The following TNFRSF21 variants were observed in gnomAD, a reference collection of about 807,000 sequenced individuals.
The protein encoded by TNFRSF21 is tumor necrosis factor receptor superfamily member 21.
TNFRSF21 carries 19 observed loss-of-function variants against 45.6 expected under a neutral mutation model. The ratio of observed to expected loss-of-function variants is 0.42; its 90% confidence interval spans 0.29 to 0.61. TNFRSF21 has a LOEUF of 0.61. Among genes scored for constraint, TNFRSF21 ranks in the 20% least tolerant of loss-of-function variants. The probability of loss-of-function intolerance (pLI) is 0.23; values close to 1 mark genes in which losing one functional copy is unlikely to be tolerated. For synonymous variants in TNFRSF21, 314 were observed against 335.5 expected (o/e 0.94, Z 0.70); for missense variants, 737 against 851.5 (o/e 0.87, Z 1.67).
At position 47,234,897 on chromosome 6, in the gene TNFRSF21, A is replaced by G; in HGVS notation, c.1511T>C (p.Leu504Pro). The change falls in exon 5 of 6, where the codon CTG becomes CCG. Residue 504 changes from leucine (L) to proline (P), a missense_variant and splice_region_variant. By Grantham distance (98) the Leu-to-Pro change is moderately conservative. Transcript: ENST00000296861. ...CGGGAGAGCTAGTTTGTCAGTTTCC[A>G]GCTGTAGGAGGGAAAATTTTTTTTT... ...IRGLMEDTTQ[L>P]ETDKLALPMS... is the part of the protein sequence containing the mutation. The G allele has an allele frequency of 1.5e-6, 2 of 1,352,872 alleles. No individual in the cohort carries two copies. The allele number at this position is 1,352,872 out of a possible 1,614,324, so 83.8% of individuals were successfully genotyped here.
chr6:47,246,345 C>T (rs952238171), intron 4 of TNFRSF21, among the ~76,000 whole-genome samples: 1 of 152,296 alleles, frequency 6.6e-6, no homozygotes, highest in African/African-American at 2.4e-5. Context: ...TTTACTGAGC[C>T]CCCTGCTCTA....
At chr6:47,269,745 T>C (rs1762384945) in intron 3 of TNFRSF21, among the ~76,000 whole-genome samples, 2 of 152,216 alleles carry the variant, frequency 1.3e-5, no homozygotes, top group Admixed American at 6.5e-5. Context: ...AATGCCTCTC[T>C]AATTTAATAT....
At chr6:47,304,163 G>C (rs942042672) in intron 1 of TNFRSF21, among the ~76,000 whole-genome samples, 9 of 151,892 alleles carry the variant, frequency 5.9e-5, no homozygotes, top group African/African-American at 2.2e-4. Context: ...CCTGCTTGGG[G>C]AAAGAAAGCC....
chr6:47,268,667 A>G (rs1459057624), intron 3 of TNFRSF21, among the ~76,000 whole-genome samples: 1 of 152,174 alleles, frequency 6.6e-6, no homozygotes, highest in Non-Finnish European at 1.5e-5. Context: ...CAAGTAAAAG[A>G]TACTCATAAA....
At chr6:47,240,265 T>A (rs1764726928) in intron 4 of TNFRSF21, among the ~76,000 whole-genome samples, 1 of 152,230 alleles carries the variant, frequency 6.6e-6, no homozygotes, top group African/African-American at 2.4e-5. Context: ...AAGGAAGAGT[T>A]CTATGTTACA....
At chr6:47,293,498 T>C (rs975534695) in intron 1 of TNFRSF21, among the ~76,000 whole-genome samples, 1 of 152,302 alleles carries the variant, frequency 6.6e-6, no homozygotes, top group Non-Finnish European at 1.5e-5. Flanking sequence ...CTTTATAGAA[T>C]ACACTATATA....
chr6:47,293,659 CTGAGATAT>C (rs1305593460), intron 1 of TNFRSF21, among the ~76,000 whole-genome samples: 1 of 152,234 alleles, frequency 6.6e-6, no homozygotes, highest in East Asian at 1.9e-4. Flanking sequence ...GCAACGAGTA[CTGAGATAT>C]TGGCTTCCTT....
At chr6:47,283,793 T>C (rs1762605166) in intron 3 of TNFRSF21, 145 bp downstream of exon 3, 1 of 1,043,502 alleles carries the variant, frequency 9.6e-7, no homozygotes. Context: ...GTCAATCTCT[T>C]TTTCTATAAC....
At position 47,292,320 on chromosome 6, in the gene TNFRSF21, G is replaced by A. The variant is rs565479707; in HGVS notation, c.97-5725C>T. 8.6e-3 allele frequency among the ~76,000 whole-genome samples: 1,299 copies of A among 151,910 alleles called. 12 individuals are homozygous for A. Among genetic ancestry groups the A allele is most frequent in the Non-Finnish European group, 0.012 (804 of 67,974 alleles). On this transcript the variant is annotated intron_variant, in intron 1 of 5. Coordinates refer to ENST00000296861, the MANE Select transcript of TNFRSF21 (RefSeq NM_014452.5). ...TGTACAGAGTTGGATAAACTAGATCGGAGGCTCACCAAAGCCTCGGGTCTC... is the reference window on the plus strand; with the variant it reads ...TGTACAGAGTTGGATAAACTAGATCAGAGGCTCACCAAAGCCTCGGGTCTC...
At chr6:47,270,202 C>T (rs1040995338) in intron 3 of TNFRSF21, among the ~76,000 whole-genome samples, 4 of 152,162 alleles carry the variant, frequency 2.6e-5, no homozygotes, top group Non-Finnish European at 4.4e-5. Context: ...GGTCCCTGAC[C>T]CCCGTATAGC....
intron 3 of TNFRSF21, among the ~76,000 whole-genome samples, chr6:47,262,448 G>T (rs572518719): frequency 6.6e-6 from 1 of 152,236 alleles, no homozygotes; most frequent in Admixed American, 6.5e-5. Context: ...CTAGGTACAG[G>T]AGATATGGCA....
chr6:47,241,368 A>C (rs1319949600), intron 4 of TNFRSF21, among the ~76,000 whole-genome samples: 1 of 152,188 alleles, frequency 6.6e-6, no homozygotes, highest in Non-Finnish European at 1.5e-5. Flanking sequence ...CCCTAAAAAA[A>C]AAGTTTCAGA....
intron 2 of TNFRSF21, 89 bp from the exon 3 acceptor site, chr6:47,284,521 G>C: frequency 1.5e-6 from 2 of 1,376,730 alleles, no homozygotes; most frequent in Non-Finnish European, 1.9e-6. Flanking sequence ...TCCAAGCTAG[G>C]CCAGATAATC....
chr6:47,267,846 G>A (rs1762358551), intron 3 of TNFRSF21, among the ~76,000 whole-genome samples: 1 of 152,116 alleles, frequency 6.6e-6, no homozygotes, highest in Admixed American at 6.5e-5. Context: ...CTGCCTCCCA[G>A]GGTGAAGTAA....
chr6:47,256,532 A>T (rs765332393), intron 3 of TNFRSF21, among the ~76,000 whole-genome samples: 1 of 152,230 alleles, frequency 6.6e-6, no homozygotes, highest in Non-Finnish European at 1.5e-5. Context: ...CAAAAAAAGT[A>T]GAATGCCACA....
At chr6:47,271,953 C>T (rs1260639962) in intron 3 of TNFRSF21, among the ~76,000 whole-genome samples, 3 of 152,168 alleles carry the variant, frequency 2.0e-5, no homozygotes, top group Non-Finnish European at 4.4e-5. Flanking sequence ...ATCAATTTGA[C>T]AAGAAAAGCT....
At chr6:47,307,888 A>T (rs1236552831) in intron 1 of TNFRSF21, among the ~76,000 whole-genome samples, 2 of 152,238 alleles carry the variant, frequency 1.3e-5, no homozygotes, top group Non-Finnish European at 2.9e-5. Flanking sequence ...AGTAGTGGAT[A>T]GTAGTGGATC....
intron 1 of TNFRSF21, among the ~76,000 whole-genome samples, chr6:47,295,832 G>A (rs1350675178): frequency 1.3e-5 from 2 of 151,632 alleles, no homozygotes; most frequent in East Asian, 3.9e-4. Flanking sequence ...CTGTTGCTAA[G>A]GCAAAAGCAG....
At chr6:47,298,983 C>A (rs1218094394) in intron 1 of TNFRSF21, among the ~76,000 whole-genome samples, 1 of 152,188 alleles carries the variant, frequency 6.6e-6, no homozygotes, top group Non-Finnish European at 1.5e-5. Flanking sequence ...GTATTACTAT[C>A]TTGCAGAACA....
Sources: allele counts gnomAD v4.1 joint callset (sites outside exome capture counted in the v4.1 genomes callset), GRCh38; gene constraint gnomAD v4.1.1; transcripts MANE v1.5; gene names NCBI Gene and HGNC (gene_info 2026-07-23, HGNC 2026-07-21).